Variants in PCDHA9 observed in about 807,000 individuals in gnomAD.
The protein encoded by PCDHA9 is protocadherin alpha 9.
PCDHA9 carries 62 observed loss-of-function variants against 62.0 expected under a neutral mutation model. That is an observed-to-expected ratio of 1.00 (90% confidence interval 0.81 to 1.23). PCDHA9 has a LOEUF of 1.23. Among genes scored for constraint, PCDHA9 ranks in the 50% most tolerant of loss-of-function variants. The pLI is 0.00. For missense variants in PCDHA9, 1,205 were observed against 1,249.8 expected (o/e 0.96, Z 0.54); for synonymous variants, 557 against 567.6 (o/e 0.98, Z 0.27).
rs782516685 is a variant in PCDHA9, at chr5:140,883,846, G to T, written c.2394+32957G>T. ...ACGCGCTGCAGCCGTTGGACCACGAGGAGCTGGAGCTGTTGCAGTTCCAGG... is the reference window on the plus strand; with the variant it reads ...ACGCGCTGCAGCCGTTGGACCACGATGAGCTGGAGCTGTTGCAGTTCCAGG... On this transcript the variant is annotated intron_variant, in intron 1 of 3. Coordinates refer to ENST00000532602, the MANE Select transcript of PCDHA9 (RefSeq NM_031857.2). 7 of 1,612,790 alleles carry T rather than the reference G, an allele frequency of 4.3e-6. No individual in the cohort carries two copies. In the East Asian group the frequency reaches 1.3e-4, roughly 31 times the overall value.
At chr5:141,008,704 T>C (rs1485324733) in intron 3 of PCDHA9, among the ~76,000 whole-genome samples, 1 of 152,236 alleles carries the variant, frequency 6.6e-6, no homozygotes, top group East Asian at 1.9e-4. Context: ...AGTTGGTTTC[T>C]AGTTGCTTGA....
At chr5:140,893,137 C>T (rs2153441262) in intron 1 of PCDHA9, among the ~76,000 whole-genome samples, 1 of 152,298 alleles carries the variant, frequency 6.6e-6, no homozygotes, top group South Asian at 2.1e-4. Context: ...TTTCTTTATC[C>T]ACTCATCTGT....
intron 1 of PCDHA9, chr5:140,929,227 G>T (rs141300036): frequency 1.2e-6 from 2 of 1,613,774 alleles, no homozygotes; most frequent in Non-Finnish European, 1.7e-6. Context: ...CAATGCTGCC[G>T]ACCTGCGAAA....
In PCDHA9 at chr5:140,848,382, A is replaced by G. The variant is rs1781481675; in HGVS notation, c.-114A>G. The G allele has an allele frequency of 8.4e-7, 1 of 1,188,868 alleles. No homozygotes were observed. Among genetic ancestry groups the G allele is most frequent in the Non-Finnish European group, 1.2e-6 (1 of 838,758 alleles). 73.6% of individuals were successfully genotyped at this position (1,188,868 alleles called of 1,614,324 possible). A position where few individuals can be genotyped will look rare whatever the true frequency, so the allele number is the denominator to read the frequency against. On this transcript the variant is annotated 5_prime_UTR_variant, in exon 1 of 4. Transcript: ENST00000532602. ...TGGGAAAGAGGCTCAATTCTTTTTCACTCTCTCTGTGCTGAACGATGGCGA... is the reference window on the plus strand; with the variant it reads ...TGGGAAAGAGGCTCAATTCTTTTTCGCTCTCTCTGTGCTGAACGATGGCGA...
intron 1 of PCDHA9, among the ~76,000 whole-genome samples, chr5:140,895,352 G>A (rs1322887367): frequency 7.9e-5 from 12 of 151,916 alleles, no homozygotes; most frequent in African/African-American, 2.9e-4. Flanking sequence ...GCTTTCCAGT[G>A]AGTACTTATT....
intron 1 of PCDHA9, among the ~76,000 whole-genome samples, chr5:140,889,581 T>C (rs566040851): frequency 3.0e-4 from 45 of 152,324 alleles, no homozygotes; most frequent in Non-Finnish European, 4.3e-4. Flanking sequence ...ATTTTTGTTT[T>C]TGCTTTGAAA....
At chr5:140,927,269 C>T in intron 1 of PCDHA9, 1 of 1,614,142 alleles carries the variant, frequency 6.2e-7, no homozygotes, top group Non-Finnish European at 8.5e-7. Context: ...CTCTTTCCTG[C>T]CGGCGACGTG....
chr5:140,929,875 G>A lies in PCDHA9; in HGVS notation c.2395-49074G>A, dbSNP rs1326750420. 4 of 153,064 alleles carry A rather than the reference G, an allele frequency of 2.6e-5. No individual in the cohort carries two copies. The East Asian group carries it at 7.7e-4, about 29-fold the overall frequency. 9.5% of individuals were successfully genotyped at this position (153,064 alleles called of 1,614,324 possible). A position where few individuals can be genotyped will look rare whatever the true frequency, so the allele number is the denominator to read the frequency against. On this transcript the variant is annotated intron_variant, in intron 1 of 3. Transcript: ENST00000532602. ...GAGTCAGAGAAGGCTTTGTGATAGAGATCACAGATTTAGTTGGATCTTTAA... is the reference window on the plus strand; with the variant it reads ...GAGTCAGAGAAGGCTTTGTGATAGAAATCACAGATTTAGTTGGATCTTTAA...
chr5:140,856,319 C>T (rs782092511), intron 1 of PCDHA9: 2 of 1,598,532 alleles, frequency 1.3e-6, no homozygotes, highest in African/African-American at 1.3e-5. Flanking sequence ...TCGGATTGAC[C>T]GCGAGGAGCT....
At chr5:140,980,585 G>A (rs1181393743) in intron 2 of PCDHA9, among the ~76,000 whole-genome samples, 2 of 151,902 alleles carry the variant, frequency 1.3e-5, no homozygotes, top group African/African-American at 2.4e-5. Flanking sequence ...AGCCAAGATC[G>A]AGCCACTGCA....
intron 1 of PCDHA9, among the ~76,000 whole-genome samples, chr5:140,910,422 C>T (rs1184807086): frequency 6.6e-6 from 1 of 152,148 alleles, no homozygotes; most frequent in Non-Finnish European, 1.5e-5. Flanking sequence ...TCCAATTATT[C>T]CCATTGCATT....
rs538322622 is a variant in PCDHA9 at position 140,884,083 on chromosome 5, G to T, written c.2394+33194G>T. 35 of 1,613,596 alleles carry T rather than the reference G, an allele frequency of 2.2e-5. No individual in the cohort carries two copies. The South Asian group carries it at 3.6e-4, about 17-fold the overall frequency. On this transcript the variant is annotated intron_variant, in intron 1 of 3. Coordinates refer to ENST00000532602, the MANE Select transcript of PCDHA9 (RefSeq NM_031857.2). The stretch of plus-strand genomic sequence containing the variant: ...TGGACGCCGATTCGGGCTACAATGC[G>T]TGGCTTTCGTATGAATTGCAGCTGG...
intron 1 of PCDHA9, chr5:140,875,605 G>T (rs782421314): frequency 3.5e-5 from 57 of 1,613,756 alleles, no homozygotes; most frequent in Admixed American, 1.3e-4. Context: ...CGGCACCTTC[G>T]TGGGCCGCAT....
At chr5:140,861,531 T>G (rs1219248238) in intron 1 of PCDHA9, 2 of 447,948 alleles carry the variant, frequency 4.5e-6, no homozygotes, top group Non-Finnish European at 9.2e-6. Flanking sequence ...GATCTCGGAG[T>G]GCAGCATCCA....
At chr5:140,906,022 C>T (rs782487413) in intron 1 of PCDHA9, among the ~76,000 whole-genome samples, 9 of 152,192 alleles carry the variant, frequency 5.9e-5, no homozygotes, top group African/African-American at 1.2e-4. Context: ...AATCTCTCCA[C>T]GTTCTTCTGT....
intron 1 of PCDHA9, among the ~76,000 whole-genome samples, chr5:140,886,239 TAAATA>T (rs2060905359): frequency 6.6e-6 from 1 of 152,062 alleles, no homozygotes; most frequent in African/African-American, 2.4e-5. Context: ...ACTTCAGAAA[TAAATA>T]AAAGTATCTC....
intron 1 of PCDHA9, among the ~76,000 whole-genome samples, chr5:140,942,264 G>T (rs868983277): frequency 5.9e-5 from 9 of 152,122 alleles, no homozygotes; most frequent in Non-Finnish European, 1.2e-4. Flanking sequence ...GATATCTAAA[G>T]CTGGTAATGG....
chr5:140,908,186 G>A (rs189627133), intron 1 of PCDHA9, among the ~76,000 whole-genome samples: 52 of 152,292 alleles, frequency 3.4e-4, no homozygotes, highest in African/African-American at 1.2e-3. Context: ...CCACTTTCAG[G>A]TGGTGGACAT....
chr5:140,883,302 A>T (rs1177736093), intron 1 of PCDHA9: 1 of 1,613,992 alleles, frequency 6.2e-7, no homozygotes, highest in African/African-American at 1.3e-5. Context: ...GATGTAAATG[A>T]TAACGCCCCA....
Sources: gnomAD v4.1 joint callset for allele counts (sites outside exome capture counted in the v4.1 genomes callset) on GRCh38, gnomAD v4.1.1 for gene constraint, MANE v1.5 for transcripts, NCBI Gene and HGNC (gene_info 2026-07-23, HGNC 2026-07-21) for gene names.